BRCA1: variants seen among roughly 807,000 people sequenced by gnomAD.
BRCA1 encodes the protein BRCA1 DNA repair associated, also known as breast cancer type 1 susceptibility protein.
In BRCA1, 140 loss-of-function variants were observed where a neutral mutation model predicts 173.7. The observed-to-expected ratio is 0.81, with a 90% CI of 0.70 to 0.93. The LOEUF (loss-of-function observed/expected upper bound fraction) is 0.93. Ranked by LOEUF, BRCA1 falls within the 40% of genes least tolerant of loss-of-function variation. The probability of loss-of-function intolerance (pLI) is 0.00; values close to 1 mark genes in which losing one functional copy is unlikely to be tolerated. For missense variants in BRCA1, 1,983 were observed against 2,172.5 expected (o/e 0.91, Z 1.73); for synonymous variants, 662 against 756.0 (o/e 0.88, Z 2.04).
chr17:43,134,786 T>G (rs960794777), intron 1 of BRCA1, among the ~76,000 whole-genome samples: 2 of 152,142 alleles, frequency 1.3e-5, no homozygotes, highest in African/African-American at 4.8e-5. Context: ...CCTCATACAG[T>G]TCAGGGTCAT....
intron 20 of BRCA1, among the ~76,000 whole-genome samples, chr17:43,050,859 T>A (rs1167770971): frequency 6.6e-6 from 1 of 152,158 alleles, no homozygotes; most frequent in East Asian, 1.9e-4. Context: ...TTCATGCTCT[T>A]GAGAAGGGGG....
intron 12 of BRCA1, among the ~76,000 whole-genome samples, chr17:43,081,111 T>G (rs1389551941): frequency 6.6e-6 from 1 of 152,078 alleles, no homozygotes; most frequent in Non-Finnish European, 1.5e-5. Flanking sequence ...TACACAGATA[T>G]TCAAAGTCAC....
At chr17:43,132,465 C>T (rs143350510) in intron 1 of BRCA1, 1 of 152,338 alleles carries the variant, frequency 6.6e-6, no homozygotes, top group East Asian at 1.9e-4. Flanking sequence ...ACAAAGCTGC[C>T]TCTCCAACTA....
At position 43,081,174 on chromosome 17, in the gene BRCA1, T is replaced by C. The variant is rs1457703700; in HGVS notation, c.4357+1230A>G. Among the ~76,000 whole-genome samples the C allele has an allele frequency of 2.0e-5, 3 of 152,298 alleles. No homozygotes were observed. The East Asian group carries it at 5.8e-4, about 29-fold the overall frequency. The stretch of plus-strand genomic sequence containing the variant: ...ATTATAATTGAAAGTCTAGTCTGTG[T>C]TTAGACTGAAGATGGTGAAAGTACC... On this transcript the variant is annotated intron_variant, in intron 12 of 22. Transcript: ENST00000357654.
intron 7 of BRCA1, among the ~76,000 whole-genome samples, chr17:43,099,322 G>A (rs1468193894): frequency 6.6e-6 from 1 of 150,746 alleles, no homozygotes; most frequent in East Asian, 1.9e-4. Context: ...CCAGGCTGGA[G>A]TGCAATGGTG....
At position 43,045,870 on chromosome 17, in the gene BRCA1, G is replaced by A. The variant is rs959371199; in HGVS notation, c.5468-68C>T. On this transcript the variant is annotated intron_variant, in intron 22 of 22. Transcript: ENST00000357654. ...CTCCTGGACTAGGCTCTAATCAATC[G>A]ACTCCAGGGTCCTGGTTGTATGAGT... 6.1e-5 allele frequency: 98 copies of A among 1,601,372 alleles called. 3 individuals are homozygous for A. Among genetic ancestry groups the A allele is most frequent in the East Asian group, 4.7e-4 (21 of 44,838 alleles).
At chr17:43,098,871 G>A (rs1438822315) in intron 7 of BRCA1, among the ~76,000 whole-genome samples, 1 of 149,576 alleles carries the variant, frequency 6.7e-6, no homozygotes, top group Non-Finnish European at 1.5e-5. Flanking sequence ...AGGCTGGAGT[G>A]CAATGGTGCG....
intron 16 of BRCA1, chr17:43,067,259 T>G (rs947713112): frequency 1.1e-5 from 2 of 182,908 alleles, no homozygotes; most frequent in South Asian, 1.2e-4. Context: ...TTTCACGTTT[T>G]TTTTTTTTTT....
At chr17:43,081,084 AGAG>A (rs1361080685) in intron 12 of BRCA1, among the ~76,000 whole-genome samples, 1 of 152,192 alleles carries the variant, frequency 6.6e-6, no homozygotes. Flanking sequence ...TATATACCAA[AGAG>A]GAGATAGTAG....
intron 17 of BRCA1, 32 bp from the exon 18 acceptor site, chr17:43,063,405 ACAG>A (rs1345202803): frequency 6.3e-7 from 1 of 1,577,344 alleles, no homozygotes; most frequent in African/African-American, 1.3e-5. Context: ...CAGGTTACAT[ACAG>A]CAGAAGAACG....
Position 43,092,607 on chromosome 17 carries a change from T to G in BRCA1, c.2924A>C (p.Gln975Pro). Residue 975 changes from glutamine to proline, a missense_variant, in exon 10 of 23, where the codon CAA becomes CCA. Coordinates refer to ENST00000357654, the MANE Select transcript of BRCA1 (RefSeq NM_007294.4). Reference sequence around the variant, plus strand: ...AAGTGGTGGTATACGATATGGGTTTTGTAAAAGTCCATGTTTATTTGGAGT... The same window carrying G: ...AAGTGGTGGTATACGATATGGGTTTGGTAAAAGTCCATGTTTATTTGGAGT... ...LITPNKHGLL[Q>P]NPYRIPPLFP... The G allele has an allele frequency of 6.2e-7, 1 of 1,614,092 alleles. No individual in the cohort carries two copies.
intron 1 of BRCA1, among the ~76,000 whole-genome samples, chr17:43,151,736 T>C (rs2056163284): frequency 6.6e-6 from 1 of 152,036 alleles, no homozygotes; most frequent in African/African-American, 2.4e-5. Flanking sequence ...CAAAAAAATG[T>C]TTAAAAAAAC....
intron 1 of BRCA1, among the ~76,000 whole-genome samples, chr17:43,142,966 GTATATATATGTGTGTA>G (rs2056087742): frequency 1.4e-5 from 1 of 72,926 alleles, no homozygotes; most frequent in African/African-American, 3.9e-5. Context: ...GTGTGTGTGT[GTATATATATGTGTGTA>G]TATATATATG....
At position 43,093,412 on chromosome 17, in the gene BRCA1, C is replaced by G. The variant is rs587781420; in HGVS notation, c.2119G>C (p.Gly707Arg). The G allele has an allele frequency of 6.2e-7, 1 of 1,613,892 alleles. No homozygotes were observed. The highest frequency in any genetic ancestry group is 1.3e-5 in the African/African-American group (1 of 74,914). Reference sequence around the variant, plus strand: ...GTATTTGAACACTTAGTAAAAGAACCAGGTGCATTTGTTAACTTCAGCTCT... The same window carrying G: ...GTATTTGAACACTTAGTAAAAGAACGAGGTGCATTTGTTAACTTCAGCTCT... Reference protein sequence around the residue: ...FPELKLTNAPGSFTKCSNTSE... With the variant: ...FPELKLTNAPRSFTKCSNTSE... Residue 707 changes from glycine (G) to arginine (R), a missense_variant, in exon 10 of 23, where the codon GGT (glycine) becomes CGT (arginine). Physicochemically the swap from Gly to Arg is moderately radical, Grantham distance 125. Transcript: ENST00000357654.
chr17:43,108,994 A>AAAAAC (rs774309689), intron 3 of BRCA1, among the ~76,000 whole-genome samples: 96 of 152,206 alleles, frequency 6.3e-4, no homozygotes, highest in African/African-American at 2.0e-3. Flanking sequence ...ACTCCATCTC[A>AAAAAC]AAAACAAAAC....
chr17:43,078,296 G>C (rs1301782353), intron 12 of BRCA1, among the ~76,000 whole-genome samples: 1 of 152,096 alleles, frequency 6.6e-6, no homozygotes, highest in East Asian at 1.9e-4. Context: ...TGTTGGCCAG[G>C]CTGGTCTTAA....
intron 1 of BRCA1, among the ~76,000 whole-genome samples, chr17:43,135,345 C>G (rs760545251): frequency 2.6e-5 from 4 of 152,254 alleles, no homozygotes; most frequent in Non-Finnish European, 4.4e-5. Flanking sequence ...GAACTTTCTT[C>G]CAACTGCCGT....
upstream of BRCA1, among the ~76,000 whole-genome samples, chr17:43,127,170 C>G (rs569593353): frequency 1.3e-5 from 2 of 152,256 alleles, no homozygotes; most frequent in African/African-American, 4.8e-5. Context: ...CCTCAGCGCC[C>G]GGTCCCATCG....
chr17:43,079,519 G>T, intron 12 of BRCA1: 1 of 1,082,544 alleles, frequency 9.2e-7, no homozygotes, highest in Non-Finnish European at 1.4e-6. Flanking sequence ...CATGCTGTTG[G>T]CATCGCTGTA....
Sources: gnomAD v4.1 joint callset for allele counts (sites outside exome capture counted in the v4.1 genomes callset) on GRCh38, gnomAD v4.1.1 for gene constraint, MANE v1.5 for transcripts, NCBI Gene and HGNC (gene_info 2026-07-23, HGNC 2026-07-21) for gene names.